PIAS1: variants seen among roughly 807,000 people sequenced by gnomAD.
The protein encoded by PIAS1 is protein inhibitor of activated STAT 1, also known as E3 SUMO-protein ligase PIAS1.
A neutral mutation model predicts 71.3 loss-of-function variants in PIAS1; 6 were observed. That is an observed-to-expected ratio of 0.08 (90% CI 0.05 to 0.17). The LOEUF (loss-of-function observed/expected upper bound fraction) is 0.17. Among genes scored for constraint, PIAS1 ranks in the 10% least tolerant of loss-of-function variants. The pLI is 1.00. For missense variants in PIAS1, 555 were observed against 793.6 expected (o/e 0.70, Z 3.61); for synonymous variants, 303 against 292.9 (o/e 1.03, Z -0.35).
intron 2 of PIAS1, among the ~76,000 whole-genome samples, chr15:68,106,815 A>G (rs1281010057): frequency 6.6e-6 from 1 of 152,180 alleles, no homozygotes; most frequent in African/African-American, 2.4e-5. Flanking sequence ...TGAAATTCTT[A>G]ATCGATTACA....
At chr15:68,183,106 C>T (rs1567081377) in intron 12 of PIAS1, among the ~76,000 whole-genome samples, 1 of 152,194 alleles carries the variant, frequency 6.6e-6, no homozygotes, top group South Asian at 2.1e-4. Context: ...TTTGCAGGCA[C>T]TCAAACCTCT....
chr15:68,140,058 A>G (rs565956937), intron 2 of PIAS1, among the ~76,000 whole-genome samples: 2 of 152,330 alleles, frequency 1.3e-5, no homozygotes, highest in Admixed American at 1.3e-4. Context: ...GTGCTATTCT[A>G]GATAAACAGT....
rs968653181 is a variant in PIAS1, at chr15:68,193,703, C to G, written c.*5868C>G. The G allele has an allele frequency of 1.4e-5, 4 of 287,056 alleles. No homozygotes were observed. Among genetic ancestry groups the G allele is most frequent in the African/African-American group, 2.2e-5 (1 of 46,298 alleles). 17.8% of individuals were successfully genotyped at this position (287,056 alleles called of 1,614,324 possible). A position where few individuals can be genotyped will look rare whatever the true frequency, so the allele number is the denominator to read the frequency against. ...GCTTTGAGGAGTGAAATGATTTGCC[C>G]AAAGTCACAGTGGGAAGCAGCAGAG... On this transcript the variant is annotated 3_prime_UTR_variant, in exon 14 of 14. Coordinates refer to ENST00000249636, the MANE Select transcript of PIAS1 (RefSeq NM_016166.3).
chr15:68,107,229 T>G (rs2092479606), intron 2 of PIAS1, among the ~76,000 whole-genome samples: 1 of 152,222 alleles, frequency 6.6e-6, no homozygotes, highest in South Asian at 2.1e-4. Context: ...TTTATGTGTT[T>G]GTTAGGGATT....
In PIAS1 at chr15:68,181,235, C is replaced by G; in HGVS notation, c.1505C>G (p.Ala502Gly). ...AGCATTTTAAGTCTTCCACATCAAG[C>G]ATCTCCAGTATCCCGCACCCCAAGC... is the stretch of plus-strand genomic sequence containing the variant. ...NKGILSLPHQ[A>G]SPVSRTPSLP... The change falls in exon 12 of 14, where the codon GCA becomes GGA. Residue 502 changes from alanine (A) to glycine (G), a missense_variant. Ala to Gly is a moderately conservative substitution (Grantham distance 60, BLOSUM62 0). This residue lies in a region of PIAS1 where 244 missense variants were observed against 307.5 expected (regional missense o/e 0.79). Transcript: ENST00000249636. The G allele has an allele frequency of 6.2e-7, 1 of 1,613,270 alleles. No individual in the cohort carries two copies. Among genetic ancestry groups the G allele is most frequent in the Non-Finnish European group, 8.5e-7 (1 of 1,179,498 alleles).
At chr15:68,074,974 G>C (rs562050511) in intron 1 of PIAS1, among the ~76,000 whole-genome samples, 1 of 150,372 alleles carries the variant, frequency 6.7e-6, no homozygotes, top group East Asian at 1.9e-4. Flanking sequence ...TAAATTTCAC[G>C]AAGAATGTGT....
rs1567019171 is a variant in PIAS1 at position 68,054,901 on chromosome 15, C to G, written c.24+551C>G. The G allele has an allele frequency of 6.6e-6, 1 of 152,320 alleles. No homozygotes were observed. Among genetic ancestry groups the G allele is most frequent in the Non-Finnish European group, 1.5e-5 (1 of 68,112 alleles). The allele number at this position is 152,320 out of a possible 1,614,324, so 9.4% of individuals were successfully genotyped here. A position where few individuals can be genotyped will look rare whatever the true frequency, so the allele number is the denominator to read the frequency against. On this transcript the variant is annotated intron_variant, in intron 1 of 13. Transcript: ENST00000249636. The surrounding 1 kb of genome is among the most constrained non-coding windows in gnomAD (Gnocchi z 4.6). The stretch of plus-strand genomic sequence containing the variant: ...CGGCTTTCCCCGGCTGCTCGCTTGT[C>G]AGGAAGCGCCTGGGGTGCCCCGCTT...
rs1281811948 is a variant in PIAS1, at chr15:68,189,186, T to G, written c.*1351T>G. 6.6e-6 allele frequency: 1 copy of G among 152,228 alleles called. No homozygotes were observed. The highest frequency in any genetic ancestry group is 1.5e-5 in the Non-Finnish European group (1 of 68,038). The allele number at this position is 152,228 out of a possible 1,614,324, so 9.4% of individuals were successfully genotyped here. A position where few individuals can be genotyped will look rare whatever the true frequency, so the allele number is the denominator to read the frequency against. ...TTCATAATGGAACATGTAAATATAC[T>G]GAAAACTGTTTTTCAGGAGAGAAAT... On this transcript the variant is annotated 3_prime_UTR_variant, in exon 14 of 14. Coordinates refer to ENST00000249636, the MANE Select transcript of PIAS1 (RefSeq NM_016166.3).
chr15:68,077,716 A>C (rs1483808350), intron 1 of PIAS1, among the ~76,000 whole-genome samples: 1 of 152,180 alleles, frequency 6.6e-6, no homozygotes, highest in East Asian at 1.9e-4. Context: ...ACTATGTGAT[A>C]GTGTCTGTAG....
chr15:68,182,478 T>C (rs532474723), intron 12 of PIAS1, among the ~76,000 whole-genome samples: 116 of 130,940 alleles, frequency 8.9e-4, no homozygotes, highest in African/African-American at 3.4e-3. Flanking sequence ...TTTGCTCTTA[T>C]TGCTCAGGCT....
chr15:68,137,251 T>C (rs566582050), intron 2 of PIAS1, among the ~76,000 whole-genome samples: 10 of 152,156 alleles, frequency 6.6e-5, no homozygotes, highest in Non-Finnish European at 1.3e-4. Flanking sequence ...CAGAGTTATT[T>C]CAAATAGTGA....
intron 11 of PIAS1, among the ~76,000 whole-genome samples, chr15:68,176,896 G>A (rs552896092): frequency 6.6e-5 from 10 of 152,258 alleles, no homozygotes; most frequent in African/African-American, 2.2e-4. Context: ...TTCTCAAACT[G>A]TGGTGTACGT....
At chr15:68,122,414 G>A (rs2092620481) in intron 2 of PIAS1, among the ~76,000 whole-genome samples, 1 of 152,150 alleles carries the variant, frequency 6.6e-6, no homozygotes, top group South Asian at 2.1e-4. Context: ...TGAGCCAGAA[G>A]GGAGGAATAA....
chr15:68,145,930 A>T (rs944391705), intron 5 of PIAS1, 24 bp downstream of exon 5: 1 of 1,318,988 alleles, frequency 7.6e-7, no homozygotes, highest in Non-Finnish European at 1.1e-6. Flanking sequence ...GCTGTTTTTT[A>T]AAATTCATTG....
At chr15:68,170,647 A>G (rs1311299618) in intron 8 of PIAS1, among the ~76,000 whole-genome samples, 1 of 152,034 alleles carries the variant, frequency 6.6e-6, no homozygotes, top group African/African-American at 2.4e-5. Flanking sequence ...AGCTTACTGT[A>G]ACTTTTTTTT....
At chr15:68,089,880 T>A (rs2092318667) in intron 2 of PIAS1, among the ~76,000 whole-genome samples, 1 of 150,816 alleles carries the variant, frequency 6.6e-6, no homozygotes, top group Non-Finnish European at 1.5e-5. Context: ...TTTTAAATTT[T>A]ATTTTATTTT....
At chr15:68,087,787 GT>G in intron 2 of PIAS1, 1 of 328,986 alleles carries the variant, frequency 3.0e-6, no homozygotes, top group Non-Finnish European at 6.3e-6. Flanking sequence ...TTTTGAAAAT[GT>G]TTACTGAAAT....
At chr15:68,081,280 C>G (rs922732718) in intron 1 of PIAS1, among the ~76,000 whole-genome samples, 5 of 152,176 alleles carry the variant, frequency 3.3e-5, no homozygotes, top group South Asian at 2.1e-4. Flanking sequence ...ACCACCAAAG[C>G]AGGAGATTGG....
At chr15:68,142,976 C>G (rs1406106102) in intron 4 of PIAS1, among the ~76,000 whole-genome samples, 5 of 151,950 alleles carry the variant, frequency 3.3e-5, no homozygotes, top group African/African-American at 1.2e-4. Context: ...ATTCACAACC[C>G]CTTATTGAGT....
Sources: gnomAD v4.1 joint callset for allele counts (sites outside exome capture counted in the v4.1 genomes callset) on GRCh38, gnomAD v4.1.1 for gene constraint, gnomAD v4.1.1 regional missense constraint, Gnocchi (gnomAD v3.1) non-coding constraint, MANE v1.5 for transcripts, NCBI Gene and HGNC (gene_info 2026-07-23, HGNC 2026-07-21) for gene names.